NHSL1: variants seen among roughly 807,000 people sequenced by gnomAD.
NHSL1 encodes the protein NHS like 1, also known as NHS-like protein 1.
A neutral mutation model predicts 95.0 loss-of-function variants in NHSL1; 48 were observed. The ratio of observed to expected loss-of-function variants is 0.51; its 90% CI spans 0.40 to 0.64. NHSL1 has a LOEUF of 0.64. Ranked by LOEUF, NHSL1 falls within the 30% of genes least tolerant of loss-of-function variation. NHSL1 has a pLI of 0.00. For missense variants in NHSL1, 1,971 were observed against 2,077.7 expected, an observed-to-expected ratio of 0.95 and a Z score of 1.00; for synonymous variants, 783 against 833.9, an observed-to-expected ratio of 0.94 and a Z score of 1.05.
chr6:138,595,776 C>T (rs915929776), intron 1 of NHSL1, among the ~76,000 whole-genome samples: 19 of 152,048 alleles, frequency 1.2e-4, no homozygotes, highest in African/African-American at 3.4e-4. Flanking sequence ...TGAAAGATTT[C>T]GGAAACAAAA....
chr6:138,528,773 A>C (rs879401818), intron 1 of NHSL1, among the ~76,000 whole-genome samples: 1 of 152,198 alleles, frequency 6.6e-6, no homozygotes, highest in Non-Finnish European at 1.5e-5. Flanking sequence ...ATGACAACTA[A>C]AATGAATGGT....
rs566386673 is a variant in NHSL1, at chr6:138,470,347, T to C, written c.339+2959A>G. ...CCCAGTTGCCCAGGCTGGAGTGCAG[T>C]GGTGCAAACACGTCTCACTGTAGCC... On this transcript the variant is annotated intron_variant, in intron 3 of 7. Transcript: ENST00000343505. Among the ~76,000 whole-genome samples the C allele has an allele frequency of 3.9e-5, 6 of 152,302 alleles. No homozygotes were observed. The South Asian group carries it at 1.2e-3, about 32-fold the overall frequency.
chr6:138,475,428 A>G (rs1349137938), intron 2 of NHSL1, among the ~76,000 whole-genome samples: 2 of 151,980 alleles, frequency 1.3e-5, no homozygotes, highest in Admixed American at 6.6e-5. Flanking sequence ...GGGACTCACT[A>G]TGTTACCTAG....
chr6:138,487,093 A>C (rs1779775851), intron 2 of NHSL1, among the ~76,000 whole-genome samples: 1 of 152,138 alleles, frequency 6.6e-6, no homozygotes, highest in Non-Finnish European at 1.5e-5. Flanking sequence ...TTCCAACTGA[A>C]GGACTTTATC....
Position 138,424,192 on chromosome 6 carries a change from C to A in NHSL1, c.4710G>T (p.Gly1570=). 1 of 1,480,264 alleles carries A rather than the reference C, an allele frequency of 6.8e-7. No individual in the cohort carries two copies. The highest frequency in any genetic ancestry group is 8.9e-7 in the Non-Finnish European group (1 of 1,118,310). The allele number at this position is 1,480,264 out of a possible 1,614,324, so 91.7% of individuals were successfully genotyped here. A position where few individuals can be genotyped will look rare whatever the true frequency, so the allele number is the denominator to read the frequency against. Reference sequence around the variant, plus strand: ...CCTGGGGCTGCAGGGAGGCGGCAGGCCCCTCCCCACAGAGCAGGCCGCCCT... The same window carrying A: ...CCTGGGGCTGCAGGGAGGCGGCAGGACCCTCCCCACAGAGCAGGCCGCCCT... The part of the protein sequence containing the change: ...MDEGGLLCGE[G]PAASLQPQAP... Residue 1570 remains glycine (G), a synonymous_variant, in exon 8 of 8, where the codon GGG becomes GGT. Coordinates refer to ENST00000343505, the MANE Select transcript of NHSL1 (RefSeq NM_001144060.2). This position sits in a 1 kb window ranked among gnomAD's most constrained non-coding sequence, Gnocchi z 5.9.
rs537644136 is a variant in NHSL1 at position 138,523,602 on chromosome 6, C to G, written c.16+22021G>C. ...GGGATTACAGGCATGAGCCACCACA[C>G]CCAGCCTAGAGATGTTTTAAAGAGG... is the stretch of plus-strand genomic sequence containing the variant. On this transcript the variant is annotated intron_variant, in intron 1 of 4. Coordinates refer to the NHSL1 transcript ENST00000342260. Among the ~76,000 whole-genome samples, 18 of 144,756 alleles carry G rather than the reference C, an allele frequency of 1.2e-4. No homozygotes were observed. The South Asian group carries it at 3.5e-3, about 28-fold the overall frequency. The allele number at this position is 144,756 out of a possible 152,430, so 95.0% of individuals were successfully genotyped here. A position where few individuals can be genotyped will look rare whatever the true frequency, so the allele number is the denominator to read the frequency against.
chr6:138,650,707 T>C (rs1354428848), intron 1 of NHSL1: 1 of 549,276 alleles, frequency 1.8e-6, no homozygotes, highest in Admixed American at 1.9e-5. Flanking sequence ...TGGGTCAACA[T>C]GCGGGACACG....
intron 5 of NHSL1, among the ~76,000 whole-genome samples, chr6:138,436,608 T>C (rs188259247): frequency 7.2e-5 from 11 of 152,362 alleles, no homozygotes; most frequent in Admixed American, 7.2e-4. Context: ...CTAGGTTAAT[T>C]GATGAAGGTG....
intron 1 of NHSL1, among the ~76,000 whole-genome samples, chr6:138,614,741 G>C (rs1784556098): frequency 6.6e-6 from 1 of 152,186 alleles, no homozygotes; most frequent in Non-Finnish European, 1.5e-5. Context: ...TGGCAGGCAA[G>C]CAAGCATTAC....
intron 1 of NHSL1, among the ~76,000 whole-genome samples, chr6:138,621,187 G>T (rs971622937): frequency 6.6e-6 from 1 of 152,108 alleles, no homozygotes; most frequent in African/African-American, 2.4e-5. Context: ...TGCTGAAAAG[G>T]GTTAGTTTTG....
At chr6:138,503,817 G>C (rs1397753440), upstream of NHSL1, among the ~76,000 whole-genome samples, 1 of 151,996 alleles carries the variant, frequency 6.6e-6, no homozygotes, top group Non-Finnish European at 1.5e-5. Flanking sequence ...TATCTAATTT[G>C]AGACAATCTG....
chr6:138,431,119 C>A lies in NHSL1; in HGVS notation c.3226G>T (p.Val1076Leu), dbSNP rs1775622562. Residue 1076 changes from valine (V) to leucine (L), a missense_variant, in exon 6 of 8, where the codon GTG becomes TTG. Val to Leu is a conservative substitution (Grantham distance 32). This residue lies in a region of NHSL1 where 1,602 missense variants were observed against 1,654.5 expected (regional missense o/e 0.97). Transcript: ENST00000343505. The surrounding 1 kb of genome is among the most constrained non-coding windows in gnomAD (Gnocchi z 4.0). ...PLITTEALQM[V>L]QLRPVRKNSG... Reference sequence around the variant, plus strand: ...TTCTTTCTCACGGGCCTCAACTGCACCATCTGCAATGCTTCCGTGGTTATC... The same window carrying A: ...TTCTTTCTCACGGGCCTCAACTGCAACATCTGCAATGCTTCCGTGGTTATC... 6.4e-7 allele frequency: 1 copy of A among 1,551,688 alleles called. No individual in the cohort carries two copies. Among genetic ancestry groups the A allele is most frequent in the Non-Finnish European group, 8.7e-7 (1 of 1,147,032 alleles).
At chr6:138,542,290 G>A (rs149267577) in intron 1 of NHSL1, among the ~76,000 whole-genome samples, 6 of 152,282 alleles carry the variant, frequency 3.9e-5, no homozygotes, top group South Asian at 2.1e-4. Context: ...GAGGGAGCAC[G>A]GCCCTGCCAA....
chr6:138,678,511 A>G (rs1445042964), intron 1 of NHSL1, among the ~76,000 whole-genome samples: 1 of 152,226 alleles, frequency 6.6e-6, no homozygotes, highest in Non-Finnish European at 1.5e-5. Context: ...AATACCTGTA[A>G]ACCCCTAGCC....
At chr6:138,603,172 A>G (rs1169369024) in intron 1 of NHSL1, among the ~76,000 whole-genome samples, 3 of 152,188 alleles carry the variant, frequency 2.0e-5, no homozygotes, top group Admixed American at 6.5e-5. Flanking sequence ...AGAGGGGATT[A>G]TTTATACCAT....
At chr6:138,509,719 T>C (rs1329037613) in intron 1 of NHSL1, among the ~76,000 whole-genome samples, 3 of 152,208 alleles carry the variant, frequency 2.0e-5, no homozygotes, top group East Asian at 3.9e-4. Flanking sequence ...ACATATTCTA[T>C]GATCCCTGTG....
At chr6:138,629,896 A>G (rs906937996) in intron 1 of NHSL1, among the ~76,000 whole-genome samples, 2 of 152,232 alleles carry the variant, frequency 1.3e-5, no homozygotes, top group African/African-American at 2.4e-5. Context: ...GAAATAACAC[A>G]TTACATATTT....
chr6:138,572,730 C>T (rs927639698), upstream of NHSL1, among the ~76,000 whole-genome samples: 3 of 152,178 alleles, frequency 2.0e-5, no homozygotes, highest in South Asian at 6.2e-4. Context: ...TTTAGCGCAG[C>T]TAGGGGTATG....
intron 1 of NHSL1, among the ~76,000 whole-genome samples, chr6:138,591,506 T>A (rs1477328903): frequency 6.6e-6 from 1 of 151,926 alleles, no homozygotes; most frequent in African/African-American, 2.4e-5. Context: ...AGCCTCCACC[T>A]CTAGAGCTCA....
Sources: gnomAD v4.1 joint callset for allele counts (sites outside exome capture counted in the v4.1 genomes callset) on GRCh38, gnomAD v4.1.1 for gene constraint, gnomAD v4.1.1 regional missense constraint, Gnocchi (gnomAD v3.1) non-coding constraint, MANE v1.5 for transcripts, NCBI Gene and HGNC (gene_info 2026-07-23, HGNC 2026-07-21) for gene names.